The following AKAP6 variants were observed in gnomAD, a reference collection of about 807,000 sequenced individuals.
AKAP6 encodes the protein A-kinase anchor protein 6.
A neutral mutation model predicts 188.5 loss-of-function variants in AKAP6; 58 were observed. The observed-to-expected ratio is 0.31, with a 90% CI of 0.25 to 0.38. The LOEUF (loss-of-function observed/expected upper bound fraction) is 0.38. Ranked by LOEUF, AKAP6 falls within the 10% of genes least tolerant of loss-of-function variation. The pLI, the probability that AKAP6 is intolerant of heterozygous loss-of-function variation, is 1.00. For synonymous variants in AKAP6, 989 were observed against 998.6 expected, an observed-to-expected ratio of 0.99 and a Z score of 0.18; for missense variants, 2,710 against 2,740.0, an observed-to-expected ratio of 0.99 and a Z score of 0.24.
intron 7 of AKAP6, among the ~76,000 whole-genome samples, chr14:32,658,335 TA>T (rs1016269570): frequency 6.6e-6 from 1 of 152,144 alleles, no homozygotes; most frequent in African/African-American, 2.4e-5. Flanking sequence ...CATCCTTTTT[TA>T]TTTTAATGAT....
intron 2 of AKAP6, among the ~76,000 whole-genome samples, chr14:32,518,237 G>A (rs1468918447): frequency 1.3e-5 from 2 of 152,172 alleles, no homozygotes; most frequent in African/African-American, 4.8e-5. Context: ...CACAAAGATA[G>A]GGAGAAACCA....
At chr14:32,639,873 G>C (rs1887681031) in intron 7 of AKAP6, among the ~76,000 whole-genome samples, 1 of 152,118 alleles carries the variant, frequency 6.6e-6, no homozygotes, top group Non-Finnish European at 1.5e-5. Context: ...CTGGAAGAGA[G>C]TGCAAGTAGG....
At chr14:32,766,494 C>T (rs776172635) in intron 11 of AKAP6, among the ~76,000 whole-genome samples, 3 of 152,160 alleles carry the variant, frequency 2.0e-5, no homozygotes, top group African/African-American at 4.8e-5. Flanking sequence ...GTTCCAATTT[C>T]TCCACATCCT....
chr14:32,822,383 C>G lies in AKAP6; in HGVS notation c.4570C>G (p.Pro1524Ala). The change falls in exon 13 of 14, where the codon CCC (proline) becomes GCC (alanine). Residue 1524 changes from proline to alanine, a missense_variant. This residue lies in a region of AKAP6 where 2,473 missense variants were observed against 2,426.1 expected (regional missense o/e 1.02). Transcript: ENST00000280979. ...QTTELQPDVP[P>A]HERILASASH... The stretch of plus-strand genomic sequence containing the variant: ...TACAGAGTTACAACCAGATGTACCT[C>G]CCCATGAAAGGATTTTGGCAAGTGC... The G allele has an allele frequency of 1.2e-6, 2 of 1,613,958 alleles. No homozygotes were observed. The highest frequency in any genetic ancestry group is 2.2e-5 in the South Asian group (2 of 91,076).
In AKAP6 at chr14:32,691,767, C is replaced by T. The variant is rs1267367183; in HGVS notation, c.2880-4223C>T. On this transcript the variant is annotated intron_variant, in intron 8 of 13. Coordinates refer to ENST00000280979, the MANE Select transcript of AKAP6 (RefSeq NM_004274.5). ...AGAGACGGGGTTTCACCATGTTGGC[C>T]AGGCTAGTCTCAAACTCCTGACCTC... 2.0e-5 allele frequency among the ~76,000 whole-genome samples: 3 copies of T among 152,082 alleles called. No homozygotes were observed. The East Asian group carries it at 5.8e-4, about 29-fold the overall frequency.
At chr14:32,487,940 A>G (rs1879792961) in intron 2 of AKAP6, among the ~76,000 whole-genome samples, 1 of 152,146 alleles carries the variant, frequency 6.6e-6, no homozygotes, top group East Asian at 1.9e-4. Flanking sequence ...CACCCACCAG[A>G]TGCCAGCTGG....
At chr14:32,496,172 A>G (rs1477809002) in intron 2 of AKAP6, among the ~76,000 whole-genome samples, 2 of 152,212 alleles carry the variant, frequency 1.3e-5, no homozygotes, top group Non-Finnish European at 2.9e-5. Flanking sequence ...CATGTAAATC[A>G]GGTTTTGTAA....
intron 11 of AKAP6, among the ~76,000 whole-genome samples, chr14:32,747,739 C>T (rs2031970996): frequency 6.6e-6 from 1 of 152,016 alleles, no homozygotes; most frequent in Non-Finnish European, 1.5e-5. Flanking sequence ...GTGGGAAAAC[C>T]CACAGAACAT....
chr14:32,543,405 C>T (rs1294673212), intron 3 of AKAP6, among the ~76,000 whole-genome samples: 1 of 152,134 alleles, frequency 6.6e-6, no homozygotes, highest in Non-Finnish European at 1.5e-5. Flanking sequence ...AATAGTATTC[C>T]ATTGTGGATA....
In AKAP6 at chr14:32,448,793, C is replaced by CT. The variant is rs1566508491; in HGVS notation, c.324+14982dup. ...TATATCATATTGCTTTTTCAGTTTA[C>CT]TTTTTTCCTGATTTCAAAATGGAAA... On this transcript the variant is annotated intron_variant, in intron 2 of 13. Coordinates refer to ENST00000280979, the MANE Select transcript of AKAP6 (RefSeq NM_004274.5). Among the ~76,000 whole-genome samples the CT allele has an allele frequency of 2.6e-5, 4 of 152,226 alleles. No individual in the cohort carries two copies. In the South Asian group the frequency reaches 8.3e-4, roughly 32 times the overall value.
intron 2 of AKAP6, among the ~76,000 whole-genome samples, chr14:32,493,615 C>T (rs1402389599): frequency 6.6e-6 from 1 of 152,174 alleles, no homozygotes; most frequent in African/African-American, 2.4e-5. Context: ...GCCTACATGA[C>T]ATCCATTATG....
intron 9 of AKAP6, among the ~76,000 whole-genome samples, chr14:32,716,199 G>T (rs17518163): frequency 0.21 from 31,200 of 151,546 alleles, 3,270 homozygotes; most frequent in South Asian, 0.22. Flanking sequence ...AAAATGTTTG[G>T]CATGGTTTCT....
chr14:32,548,676 C>G (rs1057209262), intron 4 of AKAP6, among the ~76,000 whole-genome samples: 3 of 152,134 alleles, frequency 2.0e-5, no homozygotes, highest in Non-Finnish European at 4.4e-5. Flanking sequence ...CAGAGACAGA[C>G]AAACCAGACA....
chr14:32,822,270 A>G lies in AKAP6; in HGVS notation c.4457A>G (p.Gln1486Arg), dbSNP rs2034546632. ...SKLKLPMIMK[Q>R]SQSEKAHVED... ...CTCAAATTACCAATGATAATGAAAC[A>G]GTCACAAAGCGAAAAAGCGCATGTG... Residue 1486 changes from glutamine (Q) to arginine (R), a missense_variant, in exon 13 of 14, where the codon CAG becomes CGG. Gln to Arg is a conservative substitution (Grantham distance 43). Around this residue, in one of 2 missense-constraint regions of AKAP6, gnomAD observed 2,473 missense variants for 2,426.1 expected, o/e 1.02. Coordinates refer to ENST00000280979, the MANE Select transcript of AKAP6 (RefSeq NM_004274.5). 1 of 1,613,830 alleles carries G rather than the reference A, an allele frequency of 6.2e-7. No homozygotes were observed.
intron 1 of AKAP6, among the ~76,000 whole-genome samples, chr14:32,382,247 G>T (rs916492676): frequency 2.0e-4 from 31 of 151,304 alleles, no homozygotes; most frequent in Non-Finnish European, 3.8e-4. Flanking sequence ...CTGGAATTCT[G>T]CTTGGAGCCT....
chr14:32,718,246 C>T (rs975248187), intron 9 of AKAP6: 47 of 980,826 alleles, frequency 4.8e-5, no homozygotes, highest in Non-Finnish European at 5.4e-5. Flanking sequence ...ATGGGCTTGC[C>T]ATAGGAGAAC....
intron 9 of AKAP6, among the ~76,000 whole-genome samples, chr14:32,710,317 C>T (rs543448675): frequency 6.6e-6 from 1 of 151,992 alleles, no homozygotes; most frequent in Admixed American, 6.6e-5. Context: ...CCATTTGGAG[C>T]ATACACAATA....
chr14:32,800,457 C>T (rs1008519468), intron 12 of AKAP6, among the ~76,000 whole-genome samples: 1 of 151,862 alleles, frequency 6.6e-6, no homozygotes, highest in African/African-American at 2.4e-5. Context: ...TCTGTTTCTC[C>T]TTGCAGTTCT....
intron 11 of AKAP6, among the ~76,000 whole-genome samples, chr14:32,766,564 C>G (rs990754969): frequency 6.6e-6 from 1 of 152,090 alleles, no homozygotes; most frequent in Admixed American, 6.5e-5. Flanking sequence ...AATATCTAAT[C>G]ATGGCTTACA....
Sources: allele counts gnomAD v4.1 joint callset (sites outside exome capture counted in the v4.1 genomes callset), GRCh38; gene constraint gnomAD v4.1.1; regional missense constraint gnomAD v4.1.1; transcripts MANE v1.5; gene names NCBI Gene and HGNC (gene_info 2026-07-23, HGNC 2026-07-21).